Variants in UNC80 observed in about 807,000 individuals in gnomAD.
UNC80 encodes unc-80 subunit of NALCN channel complex.
A neutral mutation model predicts 384.6 loss-of-function variants in UNC80; 164 were observed. The ratio of observed to expected loss-of-function variants is 0.43; its 90% CI spans 0.38 to 0.49. The LOEUF (loss-of-function observed/expected upper bound fraction) is 0.49, where lower values mean the gene tolerates loss of function less well. Ranked by LOEUF, UNC80 falls within the 20% of genes least tolerant of loss-of-function variation. UNC80 has a pLI of 0.00. For synonymous variants in UNC80, 1,486 were observed against 1,527.8 expected, an observed-to-expected ratio of 0.97 and a Z score of 0.64; for missense variants, 3,330 against 4,143.0, an observed-to-expected ratio of 0.80 and a Z score of 5.39.
rs1164698913 is a variant in UNC80, at chr2:209,997,789, T to C, written c.*2194T>C. 6.6e-6 allele frequency: 1 copy of C among 152,156 alleles called. No homozygotes were observed. The highest frequency in any genetic ancestry group is 1.5e-5 in the Non-Finnish European group (1 of 68,006). 9.4% of individuals were successfully genotyped at this position (152,156 alleles called of 1,614,324 possible). On this transcript the variant is annotated 3_prime_UTR_variant, in exon 65 of 65. Coordinates refer to ENST00000673920, the MANE Select transcript of UNC80 (RefSeq NM_001371986.1). ...ACTGGGACTACTGAAATTTTGCAGA[T>C]GTGTGCATCTGTTCCATTTAAGGTG...
Position 209,917,794 on chromosome 2 carries a change from T to C in UNC80, c.5047T>C (p.Cys1683Arg). The C allele has an allele frequency of 6.4e-7, 1 of 1,552,164 alleles. No homozygotes were observed. Among genetic ancestry groups the C allele is most frequent in the Non-Finnish European group, 8.7e-7 (1 of 1,147,072 alleles). The change falls in exon 32 of 65, where the codon TGT becomes CGT. Residue 1683 changes from cysteine (C) to arginine (R), a missense_variant. Physicochemically the swap from Cys to Arg is radical, Grantham distance 180 (BLOSUM62 -3). Around this residue, in one of 8 missense-constraint regions of UNC80, gnomAD observed 801 missense variants for 950.8 expected, o/e 0.84. Transcript: ENST00000673920. ...GTCTCTAGCTGCCATGTTCCTGCTG[T>C]GTGCAGTGAAGGTGCCTGAGGCCGT... ...AGAAAAMFLL[C>R]AVKVPEAVSD... is the part of the protein sequence containing the mutation.
Position 209,793,832 on chromosome 2 carries a change from C to G in UNC80, c.911C>G (p.Ser304Cys). ...SFDGSLSSQTSQERGPSHSRA... is the reference protein window; with the variant it reads ...SFDGSLSSQTCQERGPSHSRA... ...GATGGAAGTCTGTCCTCCCAAACTT[C>G]CCAGGAAAGAGGCCCATCACATTCC... Residue 304 changes from serine to cysteine, a missense_variant, in exon 7 of 65, where the codon TCC becomes TGC. Ser to Cys is a moderately radical substitution (Grantham distance 112). Transcript: ENST00000673920. 6.2e-7 allele frequency: 1 copy of G among 1,614,102 alleles called. No individual in the cohort carries two copies. Among genetic ancestry groups the G allele is most frequent in the Non-Finnish European group, 8.5e-7 (1 of 1,179,982 alleles).
At chr2:209,898,469 T>A (rs2124921505) in intron 28 of UNC80, among the ~76,000 whole-genome samples, 1 of 152,234 alleles carries the variant, frequency 6.6e-6, no homozygotes, top group African/African-American at 2.4e-5. Context: ...ATCACAGATT[T>A]TTTAAAAAAA....
intron 4 of UNC80, 25 bp downstream of exon 4, chr2:209,777,584 C>A (rs1343797052): frequency 6.3e-7 from 1 of 1,580,942 alleles, no homozygotes; most frequent in Admixed American, 1.8e-5. Flanking sequence ...AGTGTTAGAG[C>A]TGGAGTGGGT....
intron 7 of UNC80, among the ~76,000 whole-genome samples, chr2:209,799,308 T>G (rs139228248): frequency 7.6e-4 from 116 of 152,228 alleles, no homozygotes; most frequent in Middle Eastern, 3.4e-3. Flanking sequence ...TAGCTGTATT[T>G]CTAGGTATTG....
chr2:209,954,046 A>G (rs892316687), intron 47 of UNC80, 54 bp from the exon 48 acceptor site: 37 of 1,507,196 alleles, frequency 2.5e-5, no homozygotes, highest in Non-Finnish European at 3.2e-5. Flanking sequence ...GTGTGACACA[A>G]CCAACAAAAG....
chr2:209,991,090 T>C (rs1432393649), intron 61 of UNC80, among the ~76,000 whole-genome samples: 3 of 152,224 alleles, frequency 2.0e-5, no homozygotes, highest in Admixed American at 6.5e-5. Flanking sequence ...GGTATTTAAG[T>C]AGCTCTTTAT....
chr2:209,849,411 C>T, intron 21 of UNC80, 40 bp from the exon 22 acceptor site: 1 of 1,543,064 alleles, frequency 6.5e-7, no homozygotes, highest in Non-Finnish European at 8.8e-7. Flanking sequence ...CCTTTACGTT[C>T]TCTCTCTTTC....
At chr2:209,777,810 C>T (rs956635587) in intron 4 of UNC80, among the ~76,000 whole-genome samples, 3 of 152,108 alleles carry the variant, frequency 2.0e-5, no homozygotes, top group African/African-American at 7.2e-5. Flanking sequence ...ACATATTAAG[C>T]ATAGAATAAA....
intron 36 of UNC80, among the ~76,000 whole-genome samples, chr2:209,928,923 G>A (rs2090639747): frequency 6.6e-6 from 1 of 151,998 alleles, no homozygotes; most frequent in African/African-American, 2.4e-5. Context: ...GTGAAAACAT[G>A]CAATATTTGT....
intron 26 of UNC80, among the ~76,000 whole-genome samples, chr2:209,892,274 TG>T (rs1444249222): frequency 6.6e-6 from 1 of 152,158 alleles, no homozygotes; most frequent in African/African-American, 2.4e-5. Context: ...ACTTGCTAAT[TG>T]ATACAAAGTG....
intron 7 of UNC80, among the ~76,000 whole-genome samples, chr2:209,805,847 C>T (rs1341501226): frequency 6.6e-6 from 1 of 152,104 alleles, no homozygotes; most frequent in African/African-American, 2.4e-5. Context: ...AATTTTAGTG[C>T]AGAGTGGGAA....
intron 23 of UNC80, among the ~76,000 whole-genome samples, chr2:209,877,707 C>T (rs2084906923): frequency 6.6e-6 from 1 of 152,034 alleles, no homozygotes; most frequent in African/African-American, 2.4e-5. Context: ...AACTTTTGTA[C>T]AAATATACAA....
chr2:209,814,016 T>A (rs996688765), intron 8 of UNC80, among the ~76,000 whole-genome samples, 175 bp downstream of exon 8: 2 of 152,202 alleles, frequency 1.3e-5, no homozygotes, highest in African/African-American at 2.4e-5. Flanking sequence ...TTGCTGGCTT[T>A]AGCACTTAAT....
chr2:209,793,496 G>C (rs2077958858), intron 6 of UNC80, among the ~76,000 whole-genome samples: 1 of 152,052 alleles, frequency 6.6e-6, no homozygotes, highest in African/African-American at 2.4e-5. Context: ...AAATTACTTT[G>C]CCTGATGCTT....
intron 4 of UNC80, among the ~76,000 whole-genome samples, chr2:209,784,927 C>A (rs575638245): frequency 1.1e-4 from 17 of 152,306 alleles, no homozygotes; most frequent in Admixed American, 9.2e-4. Flanking sequence ...GTCAGAATCC[C>A]AGTCTAGCCT....
chr2:209,898,052 TA>T (rs1357306650), intron 28 of UNC80, among the ~76,000 whole-genome samples: 2 of 152,180 alleles, frequency 1.3e-5, no homozygotes, highest in Non-Finnish European at 2.9e-5. Flanking sequence ...TTAAATTCTG[TA>T]GGATCTACAG....
At position 209,992,259 on chromosome 2, in the gene UNC80, C is replaced by T. The variant is rs375477071; in HGVS notation, c.9396+12C>T. On this transcript the variant is annotated intron_variant, in intron 62 of 64. Coordinates refer to ENST00000673920, the MANE Select transcript of UNC80 (RefSeq NM_001371986.1). ...GGGGCCTGAGGCAGGTAAGTAGACC[C>T]TTAAAGCGCAAGAGAACCATCCTAC... 2 of 1,550,284 alleles carry T rather than the reference C, an allele frequency of 1.3e-6. No individual in the cohort carries two copies. The highest frequency in any genetic ancestry group is 1.2e-5 in the South Asian group (1 of 83,978).
At chr2:209,903,402 A>T (rs13382232) in intron 28 of UNC80, among the ~76,000 whole-genome samples, 1 of 120,348 alleles carries the variant, frequency 8.3e-6, no homozygotes, top group East Asian at 2.1e-4. Context: ...TTATATATAT[A>T]TTATATATAT....
Sources: gnomAD v4.1 joint callset for allele counts (sites outside exome capture counted in the v4.1 genomes callset) on GRCh38, gnomAD v4.1.1 for gene constraint, gnomAD v4.1.1 regional missense constraint, MANE v1.5 for transcripts, NCBI Gene and HGNC (gene_info 2026-07-23, HGNC 2026-07-21) for gene names.